Variants in SLC39A11 observed in about 807,000 individuals in gnomAD.
SLC39A11 encodes the protein zinc transporter ZIP11.
A neutral mutation model predicts 36.1 loss-of-function variants in SLC39A11; 33 were observed. The observed-to-expected ratio is 0.91, with a 90% CI of 0.69 to 1.22. The LOEUF (loss-of-function observed/expected upper bound fraction) is 1.22. SLC39A11 is among the 50% of genes most tolerant of loss of function. The pLI is 0.00. For missense variants in SLC39A11, 432 were observed against 430.3 expected, an observed-to-expected ratio of 1.00 and a Z score of -0.03; for synonymous variants, 166 against 170.3, an observed-to-expected ratio of 0.97 and a Z score of 0.20.
chr17:72,897,971 T>G (rs987804436), intron 5 of SLC39A11, among the ~76,000 whole-genome samples: 2 of 151,566 alleles, frequency 1.3e-5, no homozygotes, highest in Admixed American at 1.3e-4. Flanking sequence ...GGGAACAGGA[T>G]CCACAGAAAC....
intron 6 of SLC39A11, among the ~76,000 whole-genome samples, chr17:72,802,187 T>C (rs1368136603): frequency 6.6e-6 from 1 of 152,172 alleles, no homozygotes; most frequent in Non-Finnish European, 1.5e-5. Flanking sequence ...GACACGTTTC[T>C]TGGCAATGAA....
At chr17:72,909,902 C>T (rs1265951526) in intron 5 of SLC39A11, among the ~76,000 whole-genome samples, 5 of 151,922 alleles carry the variant, frequency 3.3e-5, no homozygotes, top group Non-Finnish European at 7.4e-5. Context: ...CCCGCCATTA[C>T]GCCCGGCTAC....
rs552581871 is a variant in SLC39A11 at position 72,795,440 on chromosome 17, G to C, written c.601+54194C>G. Among the ~76,000 whole-genome samples the C allele has an allele frequency of 6.6e-5, 10 of 152,260 alleles. No homozygotes were observed. The South Asian group carries it at 2.1e-3, about 32-fold the overall frequency. On this transcript the variant is annotated intron_variant, in intron 6 of 9. Coordinates refer to ENST00000255559, the MANE Select transcript of SLC39A11 (RefSeq NM_139177.4). ...GACATGACAGAGAAAGAGAGAGAGA[G>C]AGTGCAAGAGAGCAAGACAGTGATA...
chr17:72,879,395 T>C (rs2081082657), intron 5 of SLC39A11, among the ~76,000 whole-genome samples: 1 of 152,208 alleles, frequency 6.6e-6, no homozygotes, highest in Non-Finnish European at 1.5e-5. Flanking sequence ...AAGATTCTCT[T>C]ATCAACTCCA....
intron 5 of SLC39A11, among the ~76,000 whole-genome samples, chr17:72,910,986 C>A (rs888300780): frequency 2.0e-5 from 3 of 151,314 alleles, no homozygotes; most frequent in Non-Finnish European, 4.4e-5. Flanking sequence ...AACCATAGCA[C>A]CACACTTTGC....
At position 72,646,082 on chromosome 17, in the gene SLC39A11, G is replaced by A. The variant is rs1451316897; in HGVS notation, c.*1502C>T. On this transcript the variant is annotated 3_prime_UTR_variant, in exon 10 of 10. Transcript: ENST00000255559. ...CATACATACACCAACCACCACACCAGTTAATCTCAACCAATCAAACCTCTG... is the reference window on the plus strand; with the variant it reads ...CATACATACACCAACCACCACACCAATTAATCTCAACCAATCAAACCTCTG... 2 of 152,662 alleles carry A rather than the reference G, an allele frequency of 1.3e-5. No individual in the cohort carries two copies. The highest frequency in any genetic ancestry group is 2.9e-5 in the Non-Finnish European group (2 of 68,052). 9.5% of individuals were successfully genotyped at this position (152,662 alleles called of 1,614,324 possible). A position where few individuals can be genotyped will look rare whatever the true frequency, so the allele number is the denominator to read the frequency against.
chr17:73,056,220 G>A (rs2059665042), intron 3 of SLC39A11, among the ~76,000 whole-genome samples: 1 of 151,902 alleles, frequency 6.6e-6, no homozygotes, highest in South Asian at 2.1e-4. Context: ...CCAGGCTGGA[G>A]TACAGTGGAA....
chr17:72,915,428 C>T (rs1023917827), intron 5 of SLC39A11, among the ~76,000 whole-genome samples: 1 of 152,246 alleles, frequency 6.6e-6, no homozygotes, highest in East Asian at 1.9e-4. Context: ...CTAGTCCCGG[C>T]TTTCCCCTCA....
At chr17:72,998,289 G>A (rs1386792784) in intron 4 of SLC39A11, among the ~76,000 whole-genome samples, 2 of 152,068 alleles carry the variant, frequency 1.3e-5, no homozygotes, top group South Asian at 4.1e-4. Flanking sequence ...CCACTGTACT[G>A]TTCCTTTGTC....
chr17:72,882,580 C>T (rs1175112801), intron 5 of SLC39A11, among the ~76,000 whole-genome samples: 1 of 152,026 alleles, frequency 6.6e-6, no homozygotes, highest in Non-Finnish European at 1.5e-5. Context: ...GAGTTGCAGC[C>T]CTACACAGAT....
chr17:72,950,206 C>T (rs2085765919), intron 4 of SLC39A11, among the ~76,000 whole-genome samples: 1 of 152,218 alleles, frequency 6.6e-6, no homozygotes, highest in Admixed American at 6.5e-5. Flanking sequence ...AAGGTGCCAA[C>T]ACCCCCATGT....
At chr17:72,982,319 T>TA (rs2088388784) in intron 4 of SLC39A11, among the ~76,000 whole-genome samples, 1 of 152,156 alleles carries the variant, frequency 6.6e-6, no homozygotes, top group South Asian at 2.1e-4. Flanking sequence ...TTCAGAAACT[T>TA]AGTTTTATAG....
intron 4 of SLC39A11, among the ~76,000 whole-genome samples, chr17:72,957,243 T>C (rs1258142100): frequency 6.6e-6 from 1 of 152,220 alleles, no homozygotes; most frequent in South Asian, 2.1e-4. Context: ...TCAATGGTAC[T>C]TTTTGTTGGG....
intron 6 of SLC39A11, among the ~76,000 whole-genome samples, chr17:72,824,252 CCTTCACT>C (rs1484045755): frequency 6.6e-6 from 1 of 150,984 alleles, no homozygotes; most frequent in Non-Finnish European, 1.5e-5. Flanking sequence ...AGCACCTTCC[CCTTCACT>C]CTCTCTCTCT....
rs114905973 is a variant in SLC39A11, at chr17:72,736,339, C to T, written c.671+311G>A. 5.9e-3 allele frequency among the ~76,000 whole-genome samples: 905 copies of T among 152,256 alleles called. 11 individuals are homozygous for T. The highest frequency in any genetic ancestry group is 0.02 in the African/African-American group (835 of 41,528). On this transcript the variant is annotated intron_variant, in intron 7 of 9. Transcript: ENST00000255559. ...AAAGGAAAGGCCTGAAGAGTGTCAG[C>T]GGCTGCCTTTGTTTTTTGTCATTAG...
At chr17:72,778,698 T>G (rs985308944) in intron 6 of SLC39A11, among the ~76,000 whole-genome samples, 1 of 152,190 alleles carries the variant, frequency 6.6e-6, no homozygotes, top group Non-Finnish European at 1.5e-5. Flanking sequence ...TGACATATGG[T>G]CATTGATTTT....
rs1473397045 is a variant in SLC39A11 at position 72,671,288 on chromosome 17, G to T, written c.672-22020C>A. 7.9e-5 allele frequency among the ~76,000 whole-genome samples: 12 copies of T among 152,282 alleles called. No homozygotes were observed. In the South Asian group the frequency reaches 8.3e-4, roughly 11 times the overall value. On this transcript the variant is annotated intron_variant, in intron 7 of 9. Coordinates refer to ENST00000255559, the MANE Select transcript of SLC39A11 (RefSeq NM_139177.4). ...GAACTTCTCCTTTCTGCCAATAAAA[G>T]CTTCCCCTTACCCTCTCCTCTGCAG... is the stretch of plus-strand genomic sequence containing the variant.
In SLC39A11 at chr17:72,943,667, T is replaced by C. The variant is rs1185145186; in HGVS notation, c.430+4085A>G. Among the ~76,000 whole-genome samples the C allele has an allele frequency of 2.6e-5, 4 of 152,180 alleles. No homozygotes were observed. In the East Asian group the frequency reaches 5.8e-4, roughly 22 times the overall value. ...CTCCTAAAGTAAATCCACCTCTTGC[T>C]CTACCAGAAAATAATGCCTTCTCCT... On this transcript the variant is annotated intron_variant, in intron 5 of 9. Transcript: ENST00000255559.
chr17:72,972,568 G>A (rs1223424924), intron 4 of SLC39A11, among the ~76,000 whole-genome samples: 2 of 152,020 alleles, frequency 1.3e-5, no homozygotes, highest in Non-Finnish European at 1.5e-5. Flanking sequence ...CCATTCAGGG[G>A]CCCTGAGCCA....
Sources: allele counts gnomAD v4.1 joint callset (sites outside exome capture counted in the v4.1 genomes callset), GRCh38; gene constraint gnomAD v4.1.1; transcripts MANE v1.5; gene names NCBI Gene and HGNC (gene_info 2026-07-23, HGNC 2026-07-21).